Variants in ATXN7L1 observed in about 807,000 individuals in gnomAD.
The protein encoded by ATXN7L1 is ataxin-7-like protein 1.
In ATXN7L1, 15 loss-of-function variants were observed where a neutral mutation model predicts 70.8. The ratio of observed to expected loss-of-function variants is 0.21; its 90% CI spans 0.14 to 0.33. The LOEUF (loss-of-function observed/expected upper bound fraction) is 0.33, where lower values mean the gene tolerates loss of function less well. Ranked by LOEUF, ATXN7L1 falls within the 10% of genes least tolerant of loss-of-function variation. ATXN7L1 has a pLI of 1.00. For synonymous variants in ATXN7L1, 440 were observed against 445.1 expected (o/e 0.99, Z 0.14); for missense variants, 975 against 1,097.1 (o/e 0.89, Z 1.57).
intron 3 of ATXN7L1, among the ~76,000 whole-genome samples, chr7:105,751,441 G>A (rs1278368370): frequency 6.6e-6 from 1 of 152,020 alleles, no homozygotes; most frequent in Admixed American, 6.6e-5. Flanking sequence ...AGACCAGCCT[G>A]GGCAACATGG....
intron 2 of ATXN7L1, among the ~76,000 whole-genome samples, chr7:105,802,320 T>C (rs1464566258): frequency 6.6e-6 from 1 of 152,078 alleles, no homozygotes; most frequent in Admixed American, 6.5e-5. Context: ...CAATCTCTCA[T>C]CTCTGGGTTC....
At chr7:105,686,903 C>A (rs965999973) in intron 3 of ATXN7L1, among the ~76,000 whole-genome samples, 1 of 152,028 alleles carries the variant, frequency 6.6e-6, no homozygotes, top group African/African-American at 2.4e-5. Context: ...AGGGAGTTGG[C>A]CCAGAAAGGA....
At chr7:105,632,333 G>C (rs1796712587) in intron 7 of ATXN7L1, among the ~76,000 whole-genome samples, 1 of 152,120 alleles carries the variant, frequency 6.6e-6, no homozygotes, top group Non-Finnish European at 1.5e-5. Context: ...CAGATAAAGA[G>C]AACCAGATCC....
At chr7:105,762,635 C>T (rs1038894771) in intron 3 of ATXN7L1, among the ~76,000 whole-genome samples, 1 of 152,150 alleles carries the variant, frequency 6.6e-6, no homozygotes, top group Non-Finnish European at 1.5e-5. Context: ...CATCTTTACA[C>T]CAAAGGCCCT....
intron 2 of ATXN7L1, among the ~76,000 whole-genome samples, chr7:105,825,574 C>T (rs1235253253): frequency 1.5e-5 from 2 of 130,420 alleles, no homozygotes; most frequent in African/African-American, 5.7e-5. Flanking sequence ...AGTGGAATTG[C>T]CAATATTGCC....
chr7:105,692,415 T>TTCCTTCCTTCCTTCCTTCCCTCCCTCCC (rs1554431662), intron 3 of ATXN7L1, among the ~76,000 whole-genome samples: 2 of 134,838 alleles, frequency 1.5e-5, no homozygotes, highest in South Asian at 2.6e-4. Context: ...CCTTCCTTCC[T>TTCCTTCCTTCCTTCCTTCCCTCCCTCCC]TCCTTCCTTC....
chr7:105,622,251 C>T (rs1414960793), intron 8 of ATXN7L1, among the ~76,000 whole-genome samples: 1 of 152,216 alleles, frequency 6.6e-6, no homozygotes, highest in Non-Finnish European at 1.5e-5. Flanking sequence ...CCGAGTTTAG[C>T]GAATCCACTG....
intron 2 of ATXN7L1, among the ~76,000 whole-genome samples, chr7:105,792,563 T>C (rs1314313140): frequency 6.6e-6 from 1 of 152,214 alleles, no homozygotes; most frequent in Non-Finnish European, 1.5e-5. Flanking sequence ...TAATTCTCTT[T>C]CCTTCCCTCT....
chr7:105,632,964 T>C (rs993054850), intron 7 of ATXN7L1, among the ~76,000 whole-genome samples: 3 of 144,338 alleles, frequency 2.1e-5, no homozygotes, highest in Non-Finnish European at 4.5e-5. Context: ...AGAGTGACTA[T>C]TGTGTGAACT....
intron 3 of ATXN7L1, chr7:105,679,091 C>G (rs924249021): frequency 4.1e-6 from 4 of 985,980 alleles, no homozygotes; most frequent in Admixed American, 1.2e-4. Flanking sequence ...GATAAGGAGG[C>G]TGACACACGC....
chr7:105,619,819 A>G (rs1210232958), intron 9 of ATXN7L1, among the ~76,000 whole-genome samples: 22 of 151,756 alleles, frequency 1.4e-4, no homozygotes, highest in Non-Finnish European at 1.5e-5. Flanking sequence ...TGGCCTCCCA[A>G]GCGCTGGGAT....
intron 2 of ATXN7L1, among the ~76,000 whole-genome samples, chr7:105,792,902 A>G (rs903060980): frequency 2.6e-5 from 4 of 152,208 alleles, no homozygotes; most frequent in African/African-American, 9.6e-5. Flanking sequence ...ATTAATATAT[A>G]TCTCTCCAGA....
intron 3 of ATXN7L1, among the ~76,000 whole-genome samples, chr7:105,666,313 G>C (rs907201375): frequency 1.3e-5 from 2 of 152,202 alleles, no homozygotes; most frequent in African/African-American, 4.8e-5. Context: ...TAATTAACAT[G>C]TGTTGAATAA....
intron 4 of ATXN7L1, among the ~76,000 whole-genome samples, chr7:105,662,147 G>C (rs1342676800): frequency 6.9e-6 from 1 of 144,580 alleles, no homozygotes; most frequent in Non-Finnish European, 1.5e-5. Context: ...CTGTTGCCCA[G>C]CCTGGAGTGC....
At chr7:105,862,793 T>A (rs1333765876) in intron 2 of ATXN7L1, among the ~76,000 whole-genome samples, 1 of 152,138 alleles carries the variant, frequency 6.6e-6, no homozygotes, top group East Asian at 1.9e-4. Context: ...TCCCAGTTAA[T>A]GGAGAATGGG....
intron 2 of ATXN7L1, among the ~76,000 whole-genome samples, chr7:105,873,018 G>A (rs1343469515): frequency 2.6e-5 from 4 of 152,162 alleles, no homozygotes; most frequent in African/African-American, 7.2e-5. Context: ...GCCGGGCTTG[G>A]TGGCGGGCGC....
intron 3 of ATXN7L1, among the ~76,000 whole-genome samples, chr7:105,699,366 A>T (rs1484919045): frequency 6.6e-6 from 1 of 152,224 alleles, no homozygotes; most frequent in Non-Finnish European, 1.5e-5. Flanking sequence ...TCCTGACCTC[A>T]GGTGATCTGC....
intron 2 of ATXN7L1, among the ~76,000 whole-genome samples, chr7:105,843,842 T>C (rs898233423): frequency 1.3e-5 from 2 of 152,240 alleles, no homozygotes; most frequent in African/African-American, 4.8e-5. Flanking sequence ...GCTCCATTAC[T>C]GTGTAAAAAG....
intron 7 of ATXN7L1, among the ~76,000 whole-genome samples, chr7:105,634,684 A>G (rs1313544000): frequency 6.6e-6 from 1 of 152,154 alleles, no homozygotes; most frequent in Non-Finnish European, 1.5e-5. Flanking sequence ...TATAAAGCTA[A>G]TAAGAAATGG....
Sources: gnomAD v4.1 joint callset for allele counts (sites outside exome capture counted in the v4.1 genomes callset) on GRCh38, gnomAD v4.1.1 for gene constraint, MANE v1.5 for transcripts, NCBI Gene and HGNC (gene_info 2026-07-23, HGNC 2026-07-21) for gene names.